Variants in JMY observed in about 807,000 individuals in gnomAD.
JMY encodes junction mediating and regulatory protein, p53 cofactor.
Under a neutral mutation model 103.3 loss-of-function variants are expected in JMY, and 46 were observed. The ratio of observed to expected loss-of-function variants is 0.45; its 90% confidence interval spans 0.35 to 0.57. The LOEUF (loss-of-function observed/expected upper bound fraction) is 0.57, where lower values mean the gene tolerates loss of function less well. Among genes scored for constraint, JMY ranks in the 20% least tolerant of loss-of-function variants. The pLI is 0.00. For synonymous variants in JMY, 526 were observed against 489.3 expected (o/e 1.07, Z -0.99); for missense variants, 1,238 against 1,255.2 (o/e 0.99, Z 0.21).
Position 79,326,104 on chromosome 5 carries a change from G to C in JMY, c.*4502G>C, listed in dbSNP as rs976263325. 1 of 152,150 alleles carries C rather than the reference G, an allele frequency of 6.6e-6. No individual in the cohort carries two copies. Among genetic ancestry groups the C allele is most frequent in the Non-Finnish European group, 1.5e-5 (1 of 68,010 alleles). 9.4% of individuals were successfully genotyped at this position (152,150 alleles called of 1,614,324 possible). Reference sequence around the variant, plus strand: ...CAGAAAATACCTCTGAGGTTGACTTGTTAAATAACTGATGAATGTTATTTC... The same window carrying C: ...CAGAAAATACCTCTGAGGTTGACTTCTTAAATAACTGATGAATGTTATTTC... On this transcript the variant is annotated 3_prime_UTR_variant, in exon 11 of 11. Coordinates refer to ENST00000396137, the MANE Select transcript of JMY (RefSeq NM_152405.5).
chr5:79,314,637 A>ACCTCCT lies in JMY; in HGVS notation c.2448_2453dup (p.Pro824_Pro825dup). 2.5e-6 allele frequency: 1 copy of ACCTCCT among 396,676 alleles called. No individual in the cohort carries two copies. The highest frequency in any genetic ancestry group is 4.0e-6 in the Non-Finnish European group (1 of 252,332). 24.6% of individuals were successfully genotyped at this position (396,676 alleles called of 1,614,324 possible). On this transcript the variant is annotated inframe_insertion, in exon 9 of 11. Coordinates refer to ENST00000396137, the MANE Select transcript of JMY (RefSeq NM_152405.5). Reference sequence around the variant, plus strand: ...TTCCTCCAACACCACCACCTCCCCCACCTCCTCCCCCTCCCCCACCACCAC... The same window carrying ACCTCCT: ...TTCCTCCAACACCACCACCTCCCCCACCTCCTCCTCCTCCCCCTCCCCCACCACCAC...
chr5:79,258,307 TTTTGTTG>T (rs1348241935), intron 1 of JMY, among the ~76,000 whole-genome samples: 1 of 128,040 alleles, frequency 7.8e-6, no homozygotes, highest in Non-Finnish European at 1.7e-5. Context: ...CTTTTTTTGT[TTTTGTTG>T]TTTTTTTTTT....
chr5:79,301,559 G>T (rs770000979), intron 6 of JMY, among the ~76,000 whole-genome samples: 7 of 152,148 alleles, frequency 4.6e-5, no homozygotes, highest in Non-Finnish European at 1.0e-4. Flanking sequence ...TTTTGAAATA[G>T]ATAGCTCTTG....
intron 1 of JMY, among the ~76,000 whole-genome samples, chr5:79,272,191 A>T (rs1745806591): frequency 6.6e-6 from 1 of 150,890 alleles, no homozygotes; most frequent in African/African-American, 2.4e-5. Context: ...CTTTGATATT[A>T]AAATAGTCCC....
intron 3 of JMY, 27 bp downstream of exon 3, chr5:79,290,298 T>C: frequency 1.4e-6 from 2 of 1,435,426 alleles, no homozygotes; most frequent in Non-Finnish European, 1.9e-6. Context: ...ATTTATCCTT[T>C]AGGTATTTTT....
Position 79,291,188 on chromosome 5 carries a change from G to A in JMY, c.1416G>A (p.Ala472=), listed in dbSNP as rs373926091. ...AATTTGGTAAAGCATCATGGGCAGC[G>A]GCTGCTGAACGGATGGAAAAACTCC... The part of the protein sequence containing the change: ...QKKFGKASWA[A]AAERMEKLQY... The change falls in exon 4 of 11, where the codon GCG becomes GCA. Residue 472 remains alanine, a synonymous_variant. Transcript: ENST00000396137. 34 of 1,612,888 alleles carry A rather than the reference G, an allele frequency of 2.1e-5. No homozygotes were observed. Among genetic ancestry groups the A allele is most frequent in the Non-Finnish European group, 2.5e-5 (29 of 1,179,550 alleles).
In JMY at chr5:79,315,981, T is replaced by A. The variant is rs368543044; in HGVS notation, c.2660-19T>A. On this transcript the variant is annotated intron_variant, in intron 9 of 10. Coordinates refer to ENST00000396137, the MANE Select transcript of JMY (RefSeq NM_152405.5). Reference sequence around the variant, plus strand: ...AGTGCAGTCCTAACTGTAATACTGTTCTGTTTCATTTTCCAAAGTGAGCTC... The same window carrying A: ...AGTGCAGTCCTAACTGTAATACTGTACTGTTTCATTTTCCAAAGTGAGCTC... The A allele has an allele frequency of 4.2e-5, 67 of 1,607,980 alleles. No homozygotes were observed. The highest frequency in any genetic ancestry group is 5.6e-5 in the Non-Finnish European group (66 of 1,176,294).
At chr5:79,266,089 C>CT (rs111734688) in intron 1 of JMY, among the ~76,000 whole-genome samples, 1,616 of 152,256 alleles carry the variant, frequency 0.011, 32 homozygotes, top group African/African-American at 0.036. Context: ...GCCAACTTTT[C>CT]TTAGCTTTCA....
At chr5:79,312,770 C>T (rs1227443650) in intron 8 of JMY, among the ~76,000 whole-genome samples, 1 of 152,072 alleles carries the variant, frequency 6.6e-6, no homozygotes, top group East Asian at 1.9e-4. Context: ...CTAGATTCCT[C>T]TTGAGTTTAA....
intron 1 of JMY, among the ~76,000 whole-genome samples, chr5:79,245,461 G>A (rs1744859897): frequency 6.6e-6 from 1 of 152,044 alleles, no homozygotes; most frequent in Non-Finnish European, 1.5e-5. Flanking sequence ...GGAAAAATCT[G>A]TATTTTTGTC....
At chr5:79,308,346 T>G (rs546498141) in intron 7 of JMY, among the ~76,000 whole-genome samples, 1 of 152,188 alleles carries the variant, frequency 6.6e-6, no homozygotes, top group African/African-American at 2.4e-5. Context: ...TTTTATAGTT[T>G]TGTGTTTTAT....
intron 1 of JMY, among the ~76,000 whole-genome samples, chr5:79,240,556 G>T (rs1744706696): frequency 6.6e-6 from 1 of 152,134 alleles, no homozygotes; most frequent in Admixed American, 6.5e-5. Flanking sequence ...TGATCTAACT[G>T]CCTCGGCCTC....
At chr5:79,310,812 C>CT (rs1349410494) in intron 7 of JMY, among the ~76,000 whole-genome samples, 2 of 152,094 alleles carry the variant, frequency 1.3e-5, no homozygotes, top group Admixed American at 6.5e-5. Flanking sequence ...AGAATGAACT[C>CT]TTATTTTTTG....
intron 1 of JMY, among the ~76,000 whole-genome samples, chr5:79,242,687 G>A (rs992412480): frequency 6.6e-6 from 1 of 152,050 alleles, no homozygotes; most frequent in Non-Finnish European, 1.5e-5. Flanking sequence ...TTAATCCAAG[G>A]GACTGTATTC....
At chr5:79,284,601 C>G in intron 2 of JMY, 1 of 1,542,694 alleles carries the variant, frequency 6.5e-7, no homozygotes. Flanking sequence ...CACATTTTGT[C>G]ACAGGTAAGA....
Position 79,314,544 on chromosome 5 carries a change from A to G in JMY, c.2352A>G (p.Ile784Met). Residue 784 changes from isoleucine (I) to methionine (M), a missense_variant, in exon 9 of 11, where the codon ATA becomes ATG. Coordinates refer to ENST00000396137, the MANE Select transcript of JMY (RefSeq NM_152405.5). ...SGVTSELPPT[I>M]SLPLLNNNLE... The stretch of plus-strand genomic sequence containing the variant: ...TTACCTCTGAACTGCCTCCCACTAT[A>G]TCTCTTCCACTTTTGAATAACAACC... 1 of 1,614,032 alleles carries G rather than the reference A, an allele frequency of 6.2e-7. No homozygotes were observed. The highest frequency in any genetic ancestry group is 1.7e-5 in the Admixed American group (1 of 60,016).
intron 1 of JMY, among the ~76,000 whole-genome samples, chr5:79,252,571 T>C: frequency 6.6e-6 from 1 of 152,300 alleles, no homozygotes; most frequent in Middle Eastern, 3.4e-3. Context: ...TGTTGAAGTC[T>C]CCAGGTATTA....
intron 2 of JMY, among the ~76,000 whole-genome samples, chr5:79,289,775 TG>T (rs60954098): frequency 0.072 from 10,747 of 150,176 alleles, 787 homozygotes; most frequent in African/African-American, 0.18. Context: ...TTAAGTAATT[TG>T]GGGGGGGGCA....
At chr5:79,271,729 A>G (rs753808614) in intron 1 of JMY, among the ~76,000 whole-genome samples, 3 of 152,130 alleles carry the variant, frequency 2.0e-5, no homozygotes, top group East Asian at 1.9e-4. Flanking sequence ...TTCCATTATA[A>G]CTTAATGTAC....
Sources: gnomAD v4.1 joint callset for allele counts (sites outside exome capture counted in the v4.1 genomes callset) on GRCh38, gnomAD v4.1.1 for gene constraint, MANE v1.5 for transcripts, NCBI Gene and HGNC (gene_info 2026-07-23, HGNC 2026-07-21) for gene names.